USH2A: variants seen among roughly 807,000 people sequenced by gnomAD.
USH2A encodes usherin, also known as Usher syndrome 2A (autosomal recessive, mild).
Under a neutral mutation model 538.9 loss-of-function variants are expected in USH2A, and 443 were observed. The ratio of observed to expected loss-of-function variants is 0.82; its 90% CI spans 0.76 to 0.89. The LOEUF (loss-of-function observed/expected upper bound fraction) is 0.89. USH2A is among the 40% of genes least tolerant of loss of function. USH2A has a pLI of 0.00. For synonymous variants in USH2A, 2,413 were observed against 2,273.5 expected (o/e 1.06, Z -1.75); for missense variants, 6,633 against 6,324.8 (o/e 1.05, Z -1.65).
intron 38 of USH2A, among the ~76,000 whole-genome samples, chr1:215,913,588 T>A (rs1665868538): frequency 6.6e-6 from 1 of 152,104 alleles, no homozygotes; most frequent in African/African-American, 2.4e-5. Context: ...ACTAATTCCA[T>A]CAATATTTTA....
At chr1:215,823,457 C>T (rs1663069787) in intron 47 of USH2A, among the ~76,000 whole-genome samples, 1 of 151,954 alleles carries the variant, frequency 6.6e-6, no homozygotes, top group South Asian at 2.1e-4. Flanking sequence ...TCTCTTGCTG[C>T]TTTTAGGATC....
intron 21 of USH2A, among the ~76,000 whole-genome samples, chr1:216,164,784 G>A (rs1387247160): frequency 6.6e-6 from 1 of 152,126 alleles, no homozygotes; most frequent in African/African-American, 2.4e-5. Context: ...TAAAATATAT[G>A]TATGCAATGG....
intron 15 of USH2A, among the ~76,000 whole-genome samples, chr1:216,215,401 C>T (rs564494648): frequency 6.6e-6 from 1 of 152,150 alleles, no homozygotes; most frequent in African/African-American, 2.4e-5. Context: ...CTTTGTGAAG[C>T]CAATTGTTCT....
chr1:215,950,858 A>ATC (rs1179110416), intron 37 of USH2A, among the ~76,000 whole-genome samples: 2 of 152,052 alleles, frequency 1.3e-5, no homozygotes, highest in Admixed American at 1.3e-4. Context: ...AGACACTCCA[A>ATC]TCTAAGCCTT....
intron 47 of USH2A, among the ~76,000 whole-genome samples, chr1:215,836,527 T>A (rs1193543443): frequency 2.4e-4 from 6 of 24,716 alleles, no homozygotes; most frequent in African/African-American, 8.8e-4. Context: ...TAATATATAT[T>A]ATATATATAT....
chr1:215,671,986 C>T (rs1391405359), intron 63 of USH2A, among the ~76,000 whole-genome samples: 1 of 152,134 alleles, frequency 6.6e-6, no homozygotes, highest in Non-Finnish European at 1.5e-5. Context: ...CAAAGTTAAC[C>T]CAACTACACA....
Position 215,877,823 on chromosome 1 carries a change from A to G in USH2A, c.8616T>C (p.Asp2872=). The G allele has an allele frequency of 6.2e-7, 1 of 1,613,824 alleles. No individual in the cohort carries two copies. Among genetic ancestry groups the G allele is most frequent in the Non-Finnish European group, 8.5e-7 (1 of 1,179,760 alleles). ...AATAAATATTGTGCCACCGATTTAA[A>G]TCTTCTGGGGGATTTGATGCAAGTG... ...QQPLASNPPE[D]LNRWHNIYSG... Residue 2872 remains aspartate (D), a synonymous_variant, in exon 43 of 72, where the codon GAT becomes GAC. Transcript: ENST00000307340.
intron 55 of USH2A, among the ~76,000 whole-genome samples, chr1:215,776,351 G>A (rs1198282992): frequency 6.6e-6 from 1 of 152,074 alleles, no homozygotes; most frequent in African/African-American, 2.4e-5. Context: ...AATTAACCGA[G>A]GACTTCCTGT....
At chr1:216,387,508 T>G (rs1273965499) in intron 3 of USH2A, among the ~76,000 whole-genome samples, 1 of 152,226 alleles carries the variant, frequency 6.6e-6, no homozygotes, top group Non-Finnish European at 1.5e-5. Flanking sequence ...TTAGATAATT[T>G]TCTTCAGATG....
At chr1:215,834,848 G>A (rs975465584) in intron 47 of USH2A, among the ~76,000 whole-genome samples, 6 of 150,114 alleles carry the variant, frequency 4.0e-5, no homozygotes, top group African/African-American at 9.8e-5. Context: ...TAGACTTCCT[G>A]GATACTCTCT....
intron 21 of USH2A, among the ~76,000 whole-genome samples, chr1:216,147,234 G>A (rs989533053): frequency 4.0e-5 from 6 of 151,622 alleles, no homozygotes; most frequent in African/African-American, 7.3e-5. Flanking sequence ...GTTGTTCCTC[G>A]CCAGGCCGAG....
At chr1:216,274,123 C>T (rs2036625465) in intron 11 of USH2A, among the ~76,000 whole-genome samples, 1 of 152,006 alleles carries the variant, frequency 6.6e-6, no homozygotes, top group Non-Finnish European at 1.5e-5. Flanking sequence ...TGCCACTGCA[C>T]CAAGTCAATC....
intron 32 of USH2A, among the ~76,000 whole-genome samples, chr1:216,041,491 C>T (rs938871485): frequency 3.9e-5 from 6 of 152,024 alleles, no homozygotes; most frequent in East Asian, 3.9e-4. Context: ...GCAAACCCTA[C>T]GGGAAGAATG....
intron 9 of USH2A, among the ~76,000 whole-genome samples, chr1:216,307,516 T>C (rs537251639): frequency 2.0e-5 from 3 of 151,952 alleles, no homozygotes; most frequent in Non-Finnish European, 4.4e-5. Flanking sequence ...CAAGCAGGGG[T>C]TTCAGGTTTC....
chr1:215,855,588 T>C (rs185982125), intron 44 of USH2A, among the ~76,000 whole-genome samples: 116 of 152,096 alleles, frequency 7.6e-4, no homozygotes, highest in African/African-American at 2.7e-3. Flanking sequence ...AATCTGCAAA[T>C]TCAATGCAAT....
rs977535816 is a variant in USH2A at position 215,879,118 on chromosome 1, T to G, written c.8224-20A>C. On this transcript the variant is annotated intron_variant, in intron 41 of 71. Transcript: ENST00000307340. ...AGTGACCTGAAATGAAAGATAAACT[T>G]AGAATCAGTGTGACGATACAGGAAT... The G allele has an allele frequency of 1.2e-6, 2 of 1,600,152 alleles. No homozygotes were observed. Among genetic ancestry groups the G allele is most frequent in the Non-Finnish European group, 1.7e-6 (2 of 1,167,788 alleles).
At chr1:215,889,172 C>T in intron 40 of USH2A, 118 bp from the exon 41 acceptor site, 4 of 1,210,746 alleles carry the variant, frequency 3.3e-6, no homozygotes, top group Non-Finnish European at 3.5e-6. Flanking sequence ...TTGGTAAAGG[C>T]CAATAAGTAA....
At chr1:216,406,198 G>A (rs1366481844) in intron 3 of USH2A, among the ~76,000 whole-genome samples, 1 of 152,106 alleles carries the variant, frequency 6.6e-6, no homozygotes, top group Non-Finnish European at 1.5e-5. Context: ...AATGGGAAAT[G>A]TGAATAATAT....
intron 37 of USH2A, among the ~76,000 whole-genome samples, chr1:215,945,983 T>A (rs76917184): frequency 0.032 from 4,890 of 152,290 alleles, 122 homozygotes; most frequent in South Asian, 0.083. Flanking sequence ...AAACTATTTA[T>A]TTTTTAAGAA....
Sources: gnomAD v4.1 joint callset for allele counts (sites outside exome capture counted in the v4.1 genomes callset) on GRCh38, gnomAD v4.1.1 for gene constraint, MANE v1.5 for transcripts, NCBI Gene and HGNC (gene_info 2026-07-23, HGNC 2026-07-21) for gene names.